RAI1: variants seen among roughly 807,000 people sequenced by gnomAD.
The protein encoded by RAI1 is retinoic acid induced 1.
Under a neutral mutation model 123.8 loss-of-function variants are expected in RAI1, and 9 were observed. The observed-to-expected ratio is 0.07, with a 90% CI of 0.04 to 0.13. RAI1 has a LOEUF of 0.13. Among genes scored for constraint, RAI1 ranks in the 10% least tolerant of loss-of-function variants. The pLI is 1.00. For missense variants in RAI1, 2,256 were observed against 2,545.8 expected, an observed-to-expected ratio of 0.89 and a Z score of 2.45; for synonymous variants, 1,231 against 1,127.3, an observed-to-expected ratio of 1.09 and a Z score of -1.84.
intron 2 of RAI1, among the ~76,000 whole-genome samples, chr17:17,748,500 G>A (rs192428593): frequency 4.4e-4 from 67 of 152,280 alleles, no homozygotes; most frequent in Admixed American, 2.7e-3. Flanking sequence ...CACATACATC[G>A]TCATGTTTAA....
chr17:17,794,670 C>T lies in RAI1; in HGVS notation c.1722C>T (p.Ser574=), dbSNP rs2032161878. 6.2e-7 allele frequency: 1 copy of T among 1,612,864 alleles called. No individual in the cohort carries two copies. Among genetic ancestry groups the T allele is most frequent in the East Asian group, 2.2e-5 (1 of 44,876 alleles). Residue 574 remains serine, a synonymous_variant, in exon 3 of 6, where the codon AGC becomes AGT. Transcript: ENST00000353383. Reference sequence around the variant, plus strand: ...CCAAATCTGACGACTCCTTCCAGAGCCTACACGGCAGTCTGCCGCTCGACA... The same window carrying T: ...CCAAATCTGACGACTCCTTCCAGAGTCTACACGGCAGTCTGCCGCTCGACA... The part of the protein sequence containing the change: ...MSTKSDDSFQ[S]LHGSLPLDSF...
chr17:17,738,770 T>C (rs888510339), intron 2 of RAI1, among the ~76,000 whole-genome samples: 41 of 152,162 alleles, frequency 2.7e-4, no homozygotes, highest in African/African-American at 9.7e-4. Context: ...AGAGTCTACT[T>C]GTGGGCCCTT....
At chr17:17,703,315 T>C (rs1915290062) in intron 1 of RAI1, among the ~76,000 whole-genome samples, 1 of 152,222 alleles carries the variant, frequency 6.6e-6, no homozygotes, top group South Asian at 2.1e-4. Context: ...GTAGGAAGGC[T>C]GCACTGCAAG....
chr17:17,755,483 G>GA (rs943529842), intron 2 of RAI1, among the ~76,000 whole-genome samples: 4 of 152,198 alleles, frequency 2.6e-5, no homozygotes, highest in African/African-American at 9.7e-5. Context: ...AGCTGGGCCT[G>GA]ACTGAAGGGC....
At chr17:17,752,665 G>A (rs866368000) in intron 2 of RAI1, among the ~76,000 whole-genome samples, 6 of 152,302 alleles carry the variant, frequency 3.9e-5, no homozygotes, top group South Asian at 4.1e-4. Flanking sequence ...CACTGCAGAC[G>A]TGTCCCCGGG....
chr17:17,810,687 T>C lies in RAI1; in HGVS notation c.*706T>C, dbSNP rs754026580. 2.9e-5 allele frequency: 11 copies of C among 381,440 alleles called. No homozygotes were observed. Among genetic ancestry groups the C allele is most frequent in the Non-Finnish European group, 4.9e-5 (9 of 183,964 alleles). 23.6% of individuals were successfully genotyped at this position (381,440 alleles called of 1,614,324 possible). On this transcript the variant is annotated 3_prime_UTR_variant, in exon 6 of 6. Coordinates refer to ENST00000353383, the MANE Select transcript of RAI1 (RefSeq NM_030665.4). This position sits in a 1 kb window ranked among gnomAD's most constrained non-coding sequence, Gnocchi z 4.6. ...TTAGGGGTTGCGGGATCCCCGAGTG[T>C]GGGCGGGACTGGGACACCCTTTGGC... is the stretch of plus-strand genomic sequence containing the variant.
At chr17:17,777,866 G>T (rs1327038533) in intron 2 of RAI1, 1 of 152,302 alleles carries the variant, frequency 6.6e-6, no homozygotes, top group Non-Finnish European at 1.5e-5. Flanking sequence ...GAGTCCGGAG[G>T]GTTGCCCAGG....
chr17:17,796,276 A>T lies in RAI1; in HGVS notation c.3328A>T (p.Ser1110Cys). 1 of 1,596,836 alleles carries T rather than the reference A, an allele frequency of 6.3e-7. No homozygotes were observed. Among genetic ancestry groups the T allele is most frequent in the Non-Finnish European group, 8.5e-7 (1 of 1,169,590 alleles). The change falls in exon 3 of 6, where the codon AGC (serine) becomes TGC (cysteine). Residue 1110 changes from serine (S) to cysteine (C), a missense_variant. Physicochemically the swap from Ser to Cys is moderately radical, Grantham distance 112 (BLOSUM62 -1). This residue lies in a region of RAI1 where 22 missense variants were observed against 50.7 expected (regional missense o/e 0.43). Transcript: ENST00000353383. The surrounding 1 kb of genome is among the most constrained non-coding windows in gnomAD (Gnocchi z 5.8). ...KPSPKAASSP[S>C]NPAALPVASD... The stretch of plus-strand genomic sequence containing the variant: ...CTCACCCAAGGCTGCCTCCAGCCCC[A>T]GCAACCCGGCCGCCCTGCCTGTGGC...
chr17:17,796,375 T>C lies in RAI1; in HGVS notation c.3427T>C (p.Ser1143Pro). The stretch of plus-strand genomic sequence containing the variant: ...CAGCACGCCTGGCAAGGACCAGCGC[T>C]CCATGATCCTTCGGTCACGCACCAA... ...SPSTPGKDQRSMILRSRTKTQ... is the reference protein window; with the variant it reads ...SPSTPGKDQRPMILRSRTKTQ... Residue 1143 changes from serine (S) to proline (P), a missense_variant, in exon 3 of 6, where the codon TCC becomes CCC. Transcript: ENST00000353383. The surrounding 1 kb of genome is among the most constrained non-coding windows in gnomAD (Gnocchi z 5.8). The C allele has an allele frequency of 1.2e-6, 2 of 1,613,562 alleles. No individual in the cohort carries two copies. Among genetic ancestry groups the C allele is most frequent in the Non-Finnish European group, 1.7e-6 (2 of 1,179,980 alleles).
chr17:17,754,397 T>C (rs567032892), intron 2 of RAI1, among the ~76,000 whole-genome samples: 93 of 151,942 alleles, frequency 6.1e-4, no homozygotes, highest in African/African-American at 2.1e-3. Context: ...CCACCACACC[T>C]GGCTAATTTT....
chr17:17,687,768 G>A (rs1273041739), intron 1 of RAI1, among the ~76,000 whole-genome samples: 7 of 152,200 alleles, frequency 4.6e-5, no homozygotes, highest in Non-Finnish European at 7.4e-5. Flanking sequence ...CGTGGCTCAC[G>A]CTTGTAATCC....
chr17:17,751,361 T>A (rs1198633989), intron 2 of RAI1, among the ~76,000 whole-genome samples: 4 of 152,216 alleles, frequency 2.6e-5, no homozygotes, highest in African/African-American at 9.7e-5. Flanking sequence ...GGCTCCTGTG[T>A]CTGCTTTGCC....
At chr17:17,779,507 A>G in intron 2 of RAI1, 1 of 157,268 alleles carries the variant, frequency 6.4e-6, no homozygotes, top group South Asian at 1.9e-4. Flanking sequence ...AACTGCCCAA[A>G]GCTCTTAGGC....
chr17:17,785,398 C>T (rs570275516), intron 2 of RAI1, among the ~76,000 whole-genome samples: 1 of 152,338 alleles, frequency 6.6e-6, no homozygotes, highest in African/African-American at 2.4e-5. Context: ...GAAGGGACAT[C>T]GACTCTGGGG....
At position 17,796,239 on chromosome 17, in the gene RAI1, G is replaced by T. The variant is rs779869345; in HGVS notation, c.3291G>T (p.Arg1097=). 1 of 1,573,430 alleles carries T rather than the reference G, an allele frequency of 6.4e-7. No individual in the cohort carries two copies. Reference sequence around the variant, plus strand: ...GAGCCGCCTTCAAGTCGGGCAAGCGGGTGGGGAAGCCCTCACCCAAGGCTG... The same window carrying T: ...GAGCCGCCTTCAAGTCGGGCAAGCGTGTGGGGAAGCCCTCACCCAAGGCTG... The part of the protein sequence containing the change: ...KQRAAFKSGK[R]VGKPSPKAAS... Residue 1097 remains arginine (R), a synonymous_variant, in exon 3 of 6, where the codon CGG becomes CGT. Transcript: ENST00000353383. This position sits in a 1 kb window ranked among gnomAD's most constrained non-coding sequence, Gnocchi z 5.8.
chr17:17,782,168 G>A (rs1041531206), intron 2 of RAI1: 1 of 152,184 alleles, frequency 6.6e-6, no homozygotes, highest in Middle Eastern at 3.2e-3. Flanking sequence ...GCAGGGGCGG[G>A]GGCCGCGGGC....
At chr17:17,688,252 A>G (rs1914708039) in intron 1 of RAI1, among the ~76,000 whole-genome samples, 1 of 151,974 alleles carries the variant, frequency 6.6e-6, no homozygotes, top group Non-Finnish European at 1.5e-5. Context: ...TGGGAGGCCA[A>G]GGCGGGTGGA....
At chr17:17,789,254 C>A (rs564528190) in intron 2 of RAI1, among the ~76,000 whole-genome samples, 7 of 152,252 alleles carry the variant, frequency 4.6e-5, no homozygotes, top group Non-Finnish European at 1.0e-4. Flanking sequence ...GGGCTCTGCT[C>A]TGGGGTCCTA....
rs890179588 is a variant in RAI1 at position 17,810,622 on chromosome 17, C to T, written c.*641C>T. The T allele has an allele frequency of 1.2e-5, 4 of 330,072 alleles. No individual in the cohort carries two copies. Among genetic ancestry groups the T allele is most frequent in the African/African-American group, 6.6e-5 (3 of 45,142 alleles). 20.4% of individuals were successfully genotyped at this position (330,072 alleles called of 1,614,324 possible). ...CCCAGCCTTTGCCAGATCTCTCGTG[C>T]GGTTCGGGCAAAGCCGGGGTAGACC... On this transcript the variant is annotated 3_prime_UTR_variant, in exon 6 of 6. Coordinates refer to ENST00000353383, the MANE Select transcript of RAI1 (RefSeq NM_030665.4). The surrounding 1 kb of genome is among the most constrained non-coding windows in gnomAD (Gnocchi z 4.6).
Sources: allele counts gnomAD v4.1 joint callset (sites outside exome capture counted in the v4.1 genomes callset), GRCh38; gene constraint gnomAD v4.1.1; regional missense constraint gnomAD v4.1.1; non-coding constraint Gnocchi (gnomAD v3.1); transcripts MANE v1.5; gene names NCBI Gene and HGNC (gene_info 2026-07-23, HGNC 2026-07-21).